LARGE1: variants seen among roughly 807,000 people sequenced by gnomAD.
The protein encoded by LARGE1 is xylosyl- and glucuronyltransferase LARGE1.
A neutral mutation model predicts 87.6 loss-of-function variants in LARGE1; 43 were observed. That is an observed-to-expected ratio of 0.49 (90% CI 0.38 to 0.63). The LOEUF is 0.63. LARGE1 is among the 30% of genes least tolerant of loss of function. The probability of loss-of-function intolerance (pLI) is 0.00; values close to 1 mark genes in which losing one functional copy is unlikely to be tolerated. For missense variants in LARGE1, 802 were observed against 1,000.2 expected (o/e 0.80, Z 2.67); for synonymous variants, 434 against 394.6 (o/e 1.10, Z -1.18).
chr22:33,509,200 C>A (rs1367377223), intron 6 of LARGE1, among the ~76,000 whole-genome samples: 1 of 152,118 alleles, frequency 6.6e-6, no homozygotes, highest in Non-Finnish European at 1.5e-5. Context: ...GGGGTGCACC[C>A]CAAGACTTTG....
At chr22:33,832,675 G>A (rs557622088) in intron 1 of LARGE1, among the ~76,000 whole-genome samples, 2 of 152,334 alleles carry the variant, frequency 1.3e-5, no homozygotes, top group South Asian at 4.1e-4. Context: ...CCCCAGACTT[G>A]CTACTGGCTG....
At chr22:33,135,905 T>C in the LARGE1 span, among the ~76,000 whole-genome samples, 1 of 152,142 alleles carries the variant, frequency 6.6e-6, no homozygotes, top group Admixed American at 6.5e-5. Flanking sequence ...AGAAATAAAA[T>C]AATAGTTTAT....
At chr22:33,543,352 T>C (rs1368196689) in intron 6 of LARGE1, among the ~76,000 whole-genome samples, 2 of 152,286 alleles carry the variant, frequency 1.3e-5, no homozygotes, top group East Asian at 3.9e-4. Context: ...TTAATTTAGG[T>C]CACTTTCATG....
At chr22:33,621,840 T>G (rs1162589349) in intron 4 of LARGE1, among the ~76,000 whole-genome samples, 1 of 152,150 alleles carries the variant, frequency 6.6e-6, no homozygotes, top group Admixed American at 6.5e-5. Flanking sequence ...TAAAATGGTG[T>G]ATGGTAAACG....
intron 7 of LARGE1, among the ~76,000 whole-genome samples, chr22:33,396,867 A>G (rs1305656872): frequency 1.3e-5 from 2 of 152,210 alleles, no homozygotes; most frequent in East Asian, 3.8e-4. Flanking sequence ...TAAGGACACA[A>G]ACGGTTTGGT....
rs368339525 is a variant in LARGE1, at chr22:33,712,527, T to A, written c.106+48844A>T. ...CCACTCCATCATCAATGGAAATTCA[T>A]CAGGAAACCCCTCCTTGACTCTGAG... On this transcript the variant is annotated intron_variant, in intron 2 of 14. Coordinates refer to ENST00000397394, the MANE Select transcript of LARGE1 (RefSeq NM_133642.5). 7.9e-5 allele frequency among the ~76,000 whole-genome samples: 12 copies of A among 152,100 alleles called. No homozygotes were observed. In the South Asian group the frequency reaches 1.0e-3, roughly 13 times the overall value.
chr22:33,112,772 A>C, the LARGE1 span, among the ~76,000 whole-genome samples: 1 of 152,152 alleles, frequency 6.6e-6, no homozygotes, highest in African/African-American at 2.4e-5. Flanking sequence ...CCTTTTGAAG[A>C]GGGTCAGGAA....
At chr22:33,305,401 G>C (rs1934747452) in intron 11 of LARGE1, 1 of 158,264 alleles carries the variant, frequency 6.3e-6, no homozygotes, top group African/African-American at 2.5e-5. Flanking sequence ...GTTTGCAACA[G>C]AGAGGGTTCT....
At chr22:33,793,657 T>G (rs1471506359) in intron 1 of LARGE1, among the ~76,000 whole-genome samples, 1 of 152,048 alleles carries the variant, frequency 6.6e-6, no homozygotes, top group Non-Finnish European at 1.5e-5. Flanking sequence ...CCCTCCTACC[T>G]CCCGCAAGAA....
At chr22:33,101,695 A>G in the LARGE1 span, among the ~76,000 whole-genome samples, 2 of 152,098 alleles carry the variant, frequency 1.3e-5, no homozygotes, top group African/African-American at 4.8e-5. Context: ...CTTCTCTTTT[A>G]CCTTGCTGCT....
chr22:33,766,450 G>A (rs1287508677), intron 1 of LARGE1, among the ~76,000 whole-genome samples: 1 of 152,042 alleles, frequency 6.6e-6, no homozygotes, highest in African/African-American at 2.4e-5. Context: ...TTTGAGACAC[G>A]GTTTCTCTCT....
intron 11 of LARGE1, among the ~76,000 whole-genome samples, chr22:33,204,334 G>C (rs1924577203): frequency 1.3e-5 from 2 of 152,136 alleles, no homozygotes; most frequent in South Asian, 4.1e-4. Context: ...AGAAGCACAA[G>C]AGAGTCATAA....
Position 33,272,757 on chromosome 22 carries a change from C to A in LARGE1, c.*1670G>T, listed in dbSNP as rs549434972. The A allele has an allele frequency of 1.3e-5, 2 of 152,176 alleles. No individual in the cohort carries two copies. The highest frequency in any genetic ancestry group is 3.9e-4 in the East Asian group (2 of 5,194). 9.4% of individuals were successfully genotyped at this position (152,176 alleles called of 1,614,324 possible). ...CAAACCGGATTGCTATAGGGTCCCA[C>A]ATGACTACCAGGCCCAAGGATGGGA... On this transcript the variant is annotated 3_prime_UTR_variant, in exon 15 of 15. Coordinates refer to ENST00000397394, the MANE Select transcript of LARGE1 (RefSeq NM_133642.5).
chr22:33,072,070 G>T, the LARGE1 span, among the ~76,000 whole-genome samples: 3 of 152,130 alleles, frequency 2.0e-5, no homozygotes, highest in African/African-American at 7.2e-5. Flanking sequence ...TGGGTTGCTT[G>T]CTTCTGGTTT....
At chr22:33,236,522 C>A (rs1602130623) in intron 11 of LARGE1, among the ~76,000 whole-genome samples, 2 of 152,276 alleles carry the variant, frequency 1.3e-5, no homozygotes, top group Non-Finnish European at 2.9e-5. Context: ...CATGAGCAAA[C>A]CAACATTTTC....
chr22:33,568,070 G>A (rs749830687), intron 5 of LARGE1, among the ~76,000 whole-genome samples: 40 of 152,178 alleles, frequency 2.6e-4, no homozygotes, highest in Non-Finnish European at 5.1e-4. Context: ...AGTTACTTGA[G>A]GAGGGGAAGA....
chr22:33,067,571 G>T, the LARGE1 span, among the ~76,000 whole-genome samples: 3 of 152,114 alleles, frequency 2.0e-5, no homozygotes, highest in Non-Finnish European at 2.9e-5. Flanking sequence ...AGATGTATGG[G>T]CTCAGAGAAG....
chr22:33,748,076 T>C (rs1434631836), intron 2 of LARGE1, among the ~76,000 whole-genome samples: 1 of 129,782 alleles, frequency 7.7e-6, no homozygotes, highest in Non-Finnish European at 1.6e-5. Context: ...TATCTAAGGC[T>C]CCACCCCAGA....
intron 6 of LARGE1, among the ~76,000 whole-genome samples, chr22:33,505,088 G>A (rs147703075): frequency 1.0e-3 from 154 of 152,308 alleles, no homozygotes; most frequent in African/African-American, 3.3e-3. Flanking sequence ...AACACACAGA[G>A]GATTCCTAAA....
Sources: allele counts gnomAD v4.1 joint callset (sites outside exome capture counted in the v4.1 genomes callset), GRCh38; gene constraint gnomAD v4.1.1; transcripts MANE v1.5; gene names NCBI Gene and HGNC (gene_info 2026-07-23, HGNC 2026-07-21).